GSE1: variants seen among roughly 807,000 people sequenced by gnomAD.
GSE1 encodes genetic suppressor element 1.
GSE1 carries 32 observed loss-of-function variants against 112.6 expected under a neutral mutation model. The observed-to-expected ratio is 0.28, with a 90% CI of 0.21 to 0.38. GSE1 has a LOEUF of 0.38. Ranked by LOEUF, GSE1 falls within the 10% of genes least tolerant of loss-of-function variation. GSE1 has a pLI of 1.00. For synonymous variants in GSE1, 1,115 were observed against 735.6 expected (o/e 1.52, Z -8.35); for missense variants, 2,348 against 1,699.2 (o/e 1.38, Z -6.71).
intron 2 of GSE1, among the ~76,000 whole-genome samples, chr16:85,504,165 A>G (rs531219987): frequency 8.5e-5 from 13 of 152,298 alleles, no homozygotes; most frequent in Non-Finnish European, 1.5e-4. Flanking sequence ...TGGAACAGGT[A>G]CCCCGCTCAG....
chr16:85,442,782 A>G (rs566955079), intron 2 of GSE1, among the ~76,000 whole-genome samples: 1 of 152,268 alleles, frequency 6.6e-6, no homozygotes, highest in South Asian at 2.1e-4. Context: ...TATTACCACA[A>G]ATGCCGTGGT....
chr16:85,197,593 C>A (rs1291505582), intron 1 of GSE1, among the ~76,000 whole-genome samples: 2 of 152,144 alleles, frequency 1.3e-5, no homozygotes, highest in Admixed American at 6.5e-5. Flanking sequence ...CCTGCGTCGC[C>A]GGCAGTCACA....
chr16:85,625,248 CCGCTTA>C (rs1353498885), intron 1 of GSE1, among the ~76,000 whole-genome samples: 2 of 152,228 alleles, frequency 1.3e-5, no homozygotes, highest in African/African-American at 4.8e-5. Context: ...CACACAGCAG[CCGCTTA>C]GGATAATCGC....
At chr16:85,216,507 T>A (rs2075308954) in intron 1 of GSE1, among the ~76,000 whole-genome samples, 1 of 152,252 alleles carries the variant, frequency 6.6e-6, no homozygotes. Flanking sequence ...TAATATTTTT[T>A]AAGTAGTCAT....
chr16:85,480,905 T>A (rs1597896233), intron 2 of GSE1, among the ~76,000 whole-genome samples: 1 of 152,210 alleles, frequency 6.6e-6, no homozygotes, highest in African/African-American at 2.4e-5. Context: ...GGCTCCACGC[T>A]GAGCAAGCAC....
chr16:85,322,220 A>G (rs957249871), intron 1 of GSE1, among the ~76,000 whole-genome samples: 1 of 149,652 alleles, frequency 6.7e-6, no homozygotes, highest in African/African-American at 2.4e-5. Flanking sequence ...TCCAGGAAAC[A>G]GAGCGGCCTC....
chr16:85,210,421 TG>T (rs2075204676), intron 1 of GSE1, among the ~76,000 whole-genome samples: 1 of 152,122 alleles, frequency 6.6e-6, no homozygotes, highest in South Asian at 2.1e-4. Context: ...CTGGACAATA[TG>T]GCTAACCCCA....
chr16:85,468,233 G>C (rs1290360877), intron 2 of GSE1, among the ~76,000 whole-genome samples: 1 of 151,956 alleles, frequency 6.6e-6, no homozygotes, highest in Non-Finnish European at 1.5e-5. Context: ...CCTTGGGCAA[G>C]GTATGAAGCT....
At chr16:85,575,877 G>A (rs374192128) in intron 1 of GSE1, among the ~76,000 whole-genome samples, 2 of 149,828 alleles carry the variant, frequency 1.3e-5, no homozygotes, top group South Asian at 2.1e-4. Flanking sequence ...TTATATTTTG[G>A]CATTTGGTAT....
intron 1 of GSE1, among the ~76,000 whole-genome samples, chr16:85,326,032 C>T (rs1366211838): frequency 6.6e-6 from 1 of 152,172 alleles, no homozygotes; most frequent in Non-Finnish European, 1.5e-5. Context: ...CAGGTGTGAG[C>T]CACCACCCCC....
chr16:85,538,820 T>C (rs973828127), intron 2 of GSE1, among the ~76,000 whole-genome samples: 16 of 152,168 alleles, frequency 1.1e-4, no homozygotes, highest in Non-Finnish European at 1.8e-4. Flanking sequence ...CTTTCCTGCT[T>C]TAACCTCCCT....
chr16:85,667,850 G>T (rs148207563), intron 13 of GSE1, among the ~76,000 whole-genome samples: 1 of 152,100 alleles, frequency 6.6e-6, no homozygotes, highest in African/African-American at 2.4e-5. Context: ...AGAGGACTGA[G>T]GGCAGCCAAA....
chr16:85,303,818 G>T (rs2045591246), intron 1 of GSE1, among the ~76,000 whole-genome samples: 1 of 152,258 alleles, frequency 6.6e-6, no homozygotes, highest in Non-Finnish European at 1.5e-5. Context: ...ACAGGCCCTG[G>T]CCTGGCGGGG....
intron 1 of GSE1, among the ~76,000 whole-genome samples, chr16:85,355,100 C>T (rs535978965): frequency 7.9e-5 from 12 of 152,284 alleles, no homozygotes; most frequent in African/African-American, 2.4e-4. Context: ...AAAGCATTCC[C>T]GGAAACAAAC....
At chr16:85,511,635 G>A (rs780820015) in intron 2 of GSE1, among the ~76,000 whole-genome samples, 5 of 152,170 alleles carry the variant, frequency 3.3e-5, no homozygotes, top group Non-Finnish European at 7.3e-5. Flanking sequence ...AGGGGATTAT[G>A]TTAAGGATTT....
rs563531191 is a variant in GSE1 at position 85,251,822 on chromosome 16, T to C, written c.2283+80015T>C. On this transcript the variant is annotated intron_variant, in intron 1 of 2. Coordinates refer to the GSE1 transcript ENST00000637419. ...GACTGGCACCCGGCTCCTGTCTGCA[T>C]TAGGGGGCTGCACACAACCGCTGGG... Among the ~76,000 whole-genome samples, 17 of 152,348 alleles carry C rather than the reference T, an allele frequency of 1.1e-4. No homozygotes were observed. In the East Asian group the frequency reaches 3.3e-3, roughly 29 times the overall value.
intron 1 of GSE1, among the ~76,000 whole-genome samples, chr16:85,585,707 C>G (rs547677969): frequency 6.6e-6 from 1 of 152,350 alleles, no homozygotes; most frequent in South Asian, 2.1e-4. Context: ...CGTCCCTTCT[C>G]TGGGCCTCAC....
intron 1 of GSE1, among the ~76,000 whole-genome samples, chr16:85,258,463 A>G (rs1907313176): frequency 6.6e-6 from 1 of 152,192 alleles, no homozygotes; most frequent in Non-Finnish European, 1.5e-5. Flanking sequence ...CGAGCTGCAG[A>G]AACAGCAGCA....
intron 2 of GSE1, among the ~76,000 whole-genome samples, chr16:85,500,228 T>G (rs1180781510): frequency 6.6e-6 from 1 of 152,246 alleles, no homozygotes; most frequent in East Asian, 1.9e-4. Context: ...CCTCCTGTCA[T>G]TCTGGGGAAG....
Sources: allele counts gnomAD v4.1 joint callset (sites outside exome capture counted in the v4.1 genomes callset), GRCh38; gene constraint gnomAD v4.1.1; transcripts MANE v1.5; gene names NCBI Gene and HGNC (gene_info 2026-07-23, HGNC 2026-07-21).